OR6N1: variants seen among roughly 807,000 people sequenced by gnomAD.
OR6N1 encodes olfactory receptor 6N1.
For synonymous variants in OR6N1, 170 were observed against 150.7 expected, an observed-to-expected ratio of 1.13 and a Z score of -0.94; for missense variants, 394 against 371.7, an observed-to-expected ratio of 1.06 and a Z score of -0.49.
intron 1 of OR6N1, among the ~76,000 whole-genome samples, chr1:158,767,088 T>G (rs1406436300): frequency 5.9e-5 from 9 of 152,232 alleles, no homozygotes; most frequent in Admixed American, 5.9e-4. Flanking sequence ...ACTGATAATA[T>G]ATTGATACCG....
the OR6N1 span, among the ~76,000 whole-genome samples, chr1:158,787,603 T>A: frequency 1.5e-5 from 2 of 132,446 alleles, no homozygotes; most frequent in South Asian, 4.8e-4. Flanking sequence ...TCTCTCTCTC[T>A]CTCTATCTAT....
upstream of OR6N1, among the ~76,000 whole-genome samples, chr1:158,773,835 T>G (rs11265069): frequency 0.03 from 4,599 of 151,968 alleles, 231 homozygotes; most frequent in African/African-American, 0.1. Flanking sequence ...GTGTGTGTTT[T>G]TGTGTGTGTA....
the OR6N1 span, among the ~76,000 whole-genome samples, chr1:158,801,356 T>C: frequency 5.3e-5 from 8 of 152,024 alleles, no homozygotes; most frequent in Non-Finnish European, 1.2e-4. Context: ...ATCTAGTCCC[T>C]AAAGAAATGT....
chr1:158,795,139 C>T, the OR6N1 span, among the ~76,000 whole-genome samples: 2 of 152,166 alleles, frequency 1.3e-5, no homozygotes, highest in Non-Finnish European at 2.9e-5. Flanking sequence ...AAGAGTGTAG[C>T]TTCCTCTGCT....
At chr1:158,837,601 T>C in the OR6N1 span, among the ~76,000 whole-genome samples, 1 of 151,854 alleles carries the variant, frequency 6.6e-6, no homozygotes, top group Admixed American at 6.6e-5. Context: ...ATCTGTAAAA[T>C]GAGCCTCTTG....
rs775400106 is a variant in OR6N1 at position 158,765,963 on chromosome 1, C to A, written c.720G>T (p.Thr240=). The A allele has an allele frequency of 7.4e-6, 12 of 1,613,950 alleles. No homozygotes were observed. Among genetic ancestry groups the A allele is most frequent in the African/African-American group, 1.3e-5 (1 of 74,912 alleles). Residue 240 remains threonine (T), a synonymous_variant, in exon 2 of 2, where the codon ACG becomes ACT. Coordinates refer to ENST00000641846, the MANE Select transcript of OR6N1 (RefSeq NM_001005185.2). ...GAACCACAGTGAAGTGGGAGGCACACGTGGAGATGGCCTTCCTCTTGCCGG... is the reference window on the plus strand; with the variant it reads ...GAACCACAGTGAAGTGGGAGGCACAAGTGGAGATGGCCTTCCTCTTGCCGG... ...SAAGKRKAIS[T]CASHFTVVLI...
At chr1:158,778,566 T>C in the OR6N1 span, among the ~76,000 whole-genome samples, 1 of 152,166 alleles carries the variant, frequency 6.6e-6, no homozygotes, top group Non-Finnish European at 1.5e-5. Context: ...CACTGAAGAA[T>C]GTTTGCTAGA....
chr1:158,787,319 G>T, the OR6N1 span, among the ~76,000 whole-genome samples: 1 of 151,950 alleles, frequency 6.6e-6, no homozygotes, highest in African/African-American at 2.4e-5. Flanking sequence ...GCAGAGCTGT[G>T]AACCAACTAA....
rs1657229507 is a variant in OR6N1 at position 158,765,627 on chromosome 1, A to AG, written c.*116dup. ...CTGGAAGTCAGTCAGCACTTGCTGC[A>AG]GCTCCACCACCCCACATAGAAAAGC... On this transcript the variant is annotated 3_prime_UTR_variant, in exon 2 of 2. Transcript: ENST00000641846. 2 of 827,120 alleles carry AG rather than the reference A, an allele frequency of 2.4e-6. No individual in the cohort carries two copies. The highest frequency in any genetic ancestry group is 4.9e-5 in the East Asian group (2 of 40,770). The allele number at this position is 827,120 out of a possible 1,614,324, so 51.2% of individuals were successfully genotyped here. A position where few individuals can be genotyped will look rare whatever the true frequency, so the allele number is the denominator to read the frequency against.
upstream of OR6N1, among the ~76,000 whole-genome samples, chr1:158,772,737 A>G (rs1316106491): frequency 1.3e-5 from 2 of 152,200 alleles, no homozygotes. Flanking sequence ...GTGCTGCTTC[A>G]GAATCTTGGA....
chr1:158,766,632 G>A lies in OR6N1; in HGVS notation c.51C>T (p.Phe17=), dbSNP rs1455079934. 1.9e-6 allele frequency: 3 copies of A among 1,613,536 alleles called. No individual in the cohort carries two copies. The highest frequency in any genetic ancestry group is 2.5e-6 in the Non-Finnish European group (3 of 1,179,902). Residue 17 remains phenylalanine, a synonymous_variant, in exon 2 of 2, where the codon TTC becomes TTT. Coordinates refer to ENST00000641846, the MANE Select transcript of OR6N1 (RefSeq NM_001005185.2). Reference sequence around the variant, plus strand: ...AAATCTGGACACCCTGGAGATGGGGGAAGCCCAAGATGATGAATTCTGCTA... The same window carrying A: ...AAATCTGGACACCCTGGAGATGGGGAAAGCCCAAGATGATGAATTCTGCTA... ...SQVAEFIILG[F]PHLQGVQIYL...
chr1:158,814,868 T>C, the OR6N1 span, among the ~76,000 whole-genome samples: 8 of 152,172 alleles, frequency 5.3e-5, no homozygotes, highest in Non-Finnish European at 2.9e-5. Flanking sequence ...AGCAATAATA[T>C]TTGTATGACA....
At chr1:158,832,232 CTT>C in the OR6N1 span, among the ~76,000 whole-genome samples, 2 of 151,980 alleles carry the variant, frequency 1.3e-5, no homozygotes, top group South Asian at 4.1e-4. Flanking sequence ...TACATTTTGA[CTT>C]TTTTATGGCT....
chr1:158,832,294 T>A, the OR6N1 span, among the ~76,000 whole-genome samples: 1 of 151,974 alleles, frequency 6.6e-6, no homozygotes, highest in African/African-American at 2.4e-5. Flanking sequence ...TGAGAAGAGT[T>A]TATAAACGTT....
At chr1:158,774,559 A>C (rs1004967599), upstream of OR6N1, 4 of 152,210 alleles carry the variant, frequency 2.6e-5, no homozygotes, top group Non-Finnish European at 5.9e-5. Flanking sequence ...TTAGACAGCT[A>C]ATTATAAACA....
the OR6N1 span, among the ~76,000 whole-genome samples, chr1:158,807,641 T>A: frequency 6.6e-6 from 1 of 152,250 alleles, no homozygotes; most frequent in South Asian, 2.1e-4. Context: ...GGTGCGCTGA[T>A]CTACATCTGC....
the OR6N1 span, among the ~76,000 whole-genome samples, chr1:158,810,880 G>A: frequency 1.7e-4 from 25 of 150,682 alleles, no homozygotes; most frequent in Non-Finnish European, 3.4e-4. Flanking sequence ...ATACATGTGA[G>A]GTACATGTGC....
chr1:158,821,853 A>G, the OR6N1 span, among the ~76,000 whole-genome samples: 2 of 152,156 alleles, frequency 1.3e-5, no homozygotes, highest in Non-Finnish European at 2.9e-5. Flanking sequence ...GAAACTGTCA[A>G]ACTGTCTTCC....
the OR6N1 span, among the ~76,000 whole-genome samples, chr1:158,835,262 C>CCTT: frequency 3.3e-5 from 5 of 152,136 alleles, no homozygotes; most frequent in African/African-American, 1.2e-4. Flanking sequence ...GACACAGATG[C>CCTT]CTTCCCATGT....
Sources: gnomAD v4.1 joint callset for allele counts (sites outside exome capture counted in the v4.1 genomes callset) on GRCh38, gnomAD v4.1.1 for gene constraint, MANE v1.5 for transcripts, NCBI Gene and HGNC (gene_info 2026-07-23, HGNC 2026-07-21) for gene names.